The following SDHAF3 variants were observed in gnomAD, a reference collection of about 807,000 sequenced individuals.
SDHAF3 encodes the protein succinate dehydrogenase assembly factor 3, mitochondrial.
SDHAF3 carries 18 observed loss-of-function variants against 11.5 expected under a neutral mutation model. The observed-to-expected ratio is 1.56, with a 90% CI of 1.08 to 2.32. SDHAF3 has a LOEUF of 2.32. Among genes scored for constraint, SDHAF3 ranks in the 30% most tolerant of loss-of-function variants. The pLI is 0.00. For missense variants in SDHAF3, 200 were observed against 154.4 expected (o/e 1.30, Z -1.57); for synonymous variants, 72 against 59.3 (o/e 1.21, Z -0.99).
At chr7:97,122,505 GT>G (rs796470315) in intron 1 of SDHAF3, among the ~76,000 whole-genome samples, 1,598 of 143,500 alleles carry the variant, frequency 0.011, 23 homozygotes, top group African/African-American at 0.033. Context: ...GATTTATGAG[GT>G]TTTTTTTTTT....
intron 1 of SDHAF3, among the ~76,000 whole-genome samples, chr7:97,171,522 A>G (rs1000878089): frequency 1.3e-5 from 2 of 152,050 alleles, no homozygotes; most frequent in Non-Finnish European, 1.5e-5. Context: ...TTTTTATGCT[A>G]TTGAGGAAAT....
intron 1 of SDHAF3, among the ~76,000 whole-genome samples, chr7:97,174,154 AGG>A (rs1226157682): frequency 2.6e-5 from 4 of 151,880 alleles, no homozygotes; most frequent in South Asian, 2.1e-4. Flanking sequence ...CCTGACCTCA[AGG>A]GATCCACTCA....
At chr7:97,150,696 T>C (rs972527268) in intron 1 of SDHAF3, among the ~76,000 whole-genome samples, 2 of 151,666 alleles carry the variant, frequency 1.3e-5, no homozygotes, top group African/African-American at 4.8e-5. Flanking sequence ...CCCGAGTAGC[T>C]GGGACTACAG....
At position 97,149,285 on chromosome 7, in the gene SDHAF3, C is replaced by T. The variant is rs1789182593; in HGVS notation, c.174+31388C>T. ...TTAGTCTGTGAGATTGGAGTAGTCTCCATGTTGCATGTTTATTATCAACTG... is the reference window on the plus strand; with the variant it reads ...TTAGTCTGTGAGATTGGAGTAGTCTTCATGTTGCATGTTTATTATCAACTG... On this transcript the variant is annotated intron_variant, in intron 1 of 1. Transcript: ENST00000432641. Among the ~76,000 whole-genome samples, 5 of 151,940 alleles carry T rather than the reference C, an allele frequency of 3.3e-5. No homozygotes were observed. In the South Asian group the frequency reaches 8.3e-4, roughly 25 times the overall value.
intron 1 of SDHAF3, among the ~76,000 whole-genome samples, chr7:97,152,589 G>C (rs1183592509): frequency 6.6e-6 from 1 of 152,140 alleles, no homozygotes; most frequent in African/African-American, 2.4e-5. Flanking sequence ...CAATTGAGGA[G>C]GTTAGGAAGT....
chr7:97,137,749 T>C (rs1418769155), intron 1 of SDHAF3, among the ~76,000 whole-genome samples: 1 of 152,184 alleles, frequency 6.6e-6, no homozygotes, highest in Non-Finnish European at 1.5e-5. Context: ...ATTTGGAGTA[T>C]GAGTAGTATG....
At position 97,180,884 on chromosome 7, in the gene SDHAF3, T is replaced by A. The variant is rs1271453204; in HGVS notation, c.175-128T>A. ...GTATCTTCACAACTATATTTATATC[T>A]CCTTAACCAAATGCTTCTGCATTTA... On this transcript the variant is annotated intron_variant, in intron 1 of 1. Transcript: ENST00000432641. 4 of 720,638 alleles carry A rather than the reference T, an allele frequency of 5.6e-6. No homozygotes were observed. The African/African-American group carries it at 7.2e-5, about 13-fold the overall frequency. The allele number at this position is 720,638 out of a possible 1,614,324, so 44.6% of individuals were successfully genotyped here. A position where few individuals can be genotyped will look rare whatever the true frequency, so the allele number is the denominator to read the frequency against.
intron 1 of SDHAF3, among the ~76,000 whole-genome samples, chr7:97,177,616 G>A (rs1477369866): frequency 6.6e-6 from 1 of 152,122 alleles, no homozygotes; most frequent in African/African-American, 2.4e-5. Flanking sequence ...ACAGATCACT[G>A]ATCTTTTACT....
chr7:97,163,575 A>G (rs1789449684), intron 1 of SDHAF3, among the ~76,000 whole-genome samples: 1 of 152,220 alleles, frequency 6.6e-6, no homozygotes, highest in Admixed American at 6.5e-5. Flanking sequence ...TCCTGAATAC[A>G]GCACATTGAT....
chr7:97,159,375 G>T (rs1238487363), intron 1 of SDHAF3, among the ~76,000 whole-genome samples: 1 of 152,166 alleles, frequency 6.6e-6, no homozygotes, highest in Non-Finnish European at 1.5e-5. Flanking sequence ...ATTCACCAGA[G>T]CATCACATTC....
At chr7:97,176,511 T>G (rs868168276) in intron 1 of SDHAF3, among the ~76,000 whole-genome samples, 24 of 152,202 alleles carry the variant, frequency 1.6e-4, no homozygotes, top group Admixed American at 7.9e-4. Context: ...TACTGCTGCT[T>G]CTTCCTATAT....
intron 1 of SDHAF3, among the ~76,000 whole-genome samples, chr7:97,172,903 G>C (rs1233050435): frequency 6.6e-6 from 1 of 152,218 alleles, no homozygotes; most frequent in Non-Finnish European, 1.5e-5. Context: ...ACTGTAAGCG[G>C]TCCCCTTTTG....
chr7:97,145,043 AT>A (rs1378404955), intron 1 of SDHAF3, among the ~76,000 whole-genome samples: 1 of 138,662 alleles, frequency 7.2e-6, no homozygotes, highest in African/African-American at 2.7e-5. Flanking sequence ...ATTCCTAAGT[AT>A]TTTTTGTTTT....
At chr7:97,176,677 C>T (rs1215397543) in intron 1 of SDHAF3, among the ~76,000 whole-genome samples, 3 of 152,122 alleles carry the variant, frequency 2.0e-5, no homozygotes, top group South Asian at 2.1e-4. Flanking sequence ...GTTTCCTTTT[C>T]GTGAGTCTTT....
chr7:97,171,018 A>G (rs1584233853), intron 1 of SDHAF3, among the ~76,000 whole-genome samples: 1 of 152,096 alleles, frequency 6.6e-6, no homozygotes, highest in African/African-American at 2.4e-5. Flanking sequence ...TTCTTTTTCT[A>G]TAATATATTC....
intron 1 of SDHAF3, among the ~76,000 whole-genome samples, chr7:97,126,143 A>G (rs569232005): frequency 3.9e-5 from 6 of 152,322 alleles, no homozygotes; most frequent in Non-Finnish European, 7.4e-5. Context: ...CAGAACAGCA[A>G]AGATTGCTGC....
intron 1 of SDHAF3, among the ~76,000 whole-genome samples, chr7:97,160,666 T>C (rs1281381412): frequency 2.0e-5 from 3 of 152,170 alleles, no homozygotes; most frequent in African/African-American, 7.2e-5. Context: ...AGATGCGCTG[T>C]AAGCGGTTGT....
chr7:97,157,732 GA>G (rs1363043074), intron 1 of SDHAF3, among the ~76,000 whole-genome samples: 1 of 152,114 alleles, frequency 6.6e-6, no homozygotes, highest in Non-Finnish European at 1.5e-5. Flanking sequence ...GTCCAACAAT[GA>G]TAGACTGGAT....
chr7:97,179,330 T>G (rs1231550840), intron 1 of SDHAF3, among the ~76,000 whole-genome samples: 1 of 152,216 alleles, frequency 6.6e-6, no homozygotes, highest in African/African-American at 2.4e-5. Context: ...GAATAATTTC[T>G]TAAAGCCTGC....
Sources: allele counts gnomAD v4.1 joint callset (sites outside exome capture counted in the v4.1 genomes callset), GRCh38; gene constraint gnomAD v4.1.1; transcripts MANE v1.5; gene names NCBI Gene and HGNC (gene_info 2026-07-23, HGNC 2026-07-21).